NCOR2: variants seen among roughly 807,000 people sequenced by gnomAD.
NCOR2 encodes the protein nuclear receptor corepressor 2, also known as CTG repeat protein 26.
In NCOR2, 81 loss-of-function variants were observed where a neutral mutation model predicts 262.9. The observed-to-expected ratio is 0.31, with a 90% CI of 0.26 to 0.37. The LOEUF is 0.37. Among genes scored for constraint, NCOR2 ranks in the 10% least tolerant of loss-of-function variants. NCOR2 has a pLI of 1.00. For synonymous variants in NCOR2, 1,659 were observed against 1,559.3 expected (o/e 1.06, Z -1.51); for missense variants, 3,385 against 3,621.4 (o/e 0.93, Z 1.68).
chr12:124,448,864 C>T (rs975260051), intron 7 of NCOR2, among the ~76,000 whole-genome samples: 2 of 152,166 alleles, frequency 1.3e-5, no homozygotes, highest in East Asian at 1.9e-4. Context: ...AACTACCCAC[C>T]GAATCAGCTA....
At chr12:124,513,083 A>C (rs992633618) in intron 1 of NCOR2, 4 of 152,176 alleles carry the variant, frequency 2.6e-5, no homozygotes, top group African/African-American at 4.8e-5. Context: ...CCTGGCAATC[A>C]CCACCTCCCT....
chr12:124,530,964 A>C (rs114196322), intron 1 of NCOR2, among the ~76,000 whole-genome samples: 1,647 of 152,314 alleles, frequency 0.011, 38 homozygotes, highest in African/African-American at 0.037. Flanking sequence ...CTCTGGGCTC[A>C]AATAGCTGCC....
At chr12:124,417,221 C>G (rs1342368634) in intron 13 of NCOR2, among the ~76,000 whole-genome samples, 11 of 150,504 alleles carry the variant, frequency 7.3e-5, no homozygotes, top group African/African-American at 9.7e-5. Flanking sequence ...AGGCCGGACA[C>G]TCACTCCACG....
At chr12:124,558,171 C>T (rs1052684921) in intron 1 of NCOR2, among the ~76,000 whole-genome samples, 5 of 152,102 alleles carry the variant, frequency 3.3e-5, no homozygotes, top group African/African-American at 1.2e-4. Context: ...TCCTTCGAGG[C>T]CCTCCCCTGT....
At position 124,427,887 on chromosome 12, in the gene NCOR2, C is replaced by T. The variant is rs114578773; in HGVS notation, c.1150-1087G>A. 7.9e-3 allele frequency among the ~76,000 whole-genome samples: 1,199 copies of T among 152,242 alleles called. 10 individuals are homozygous for T. The highest frequency in any genetic ancestry group is 0.026 in the African/African-American group (1,075 of 41,548). ...AGAAGGATGGGAAGTGCCTGTCCTC[C>T]GGCCCAGCCCCCTCCCTTGCACACT... On this transcript the variant is annotated intron_variant, in intron 10 of 46. Coordinates refer to ENST00000405201, the Ensembl canonical transcript of NCOR2.
chr12:124,448,877 C>T (rs916247019), intron 7 of NCOR2, among the ~76,000 whole-genome samples: 19 of 152,210 alleles, frequency 1.2e-4, no homozygotes. Flanking sequence ...ATCAGCTAAA[C>T]GCCTCCCTTT....
At chr12:124,449,027 C>T (rs1310731241) in intron 7 of NCOR2, among the ~76,000 whole-genome samples, 5 of 152,178 alleles carry the variant, frequency 3.3e-5, no homozygotes, top group Non-Finnish European at 5.9e-5. Context: ...ATCTGCAGCC[C>T]CTTTTACCTT....
chr12:124,550,512 C>CG (rs1008057405), intron 1 of NCOR2, among the ~76,000 whole-genome samples: 10 of 152,024 alleles, frequency 6.6e-5, no homozygotes, highest in Non-Finnish European at 7.4e-5. Flanking sequence ...GGATGGTGAA[C>CG]GGGGGGGAGG....
At chr12:124,404,586 C>G (rs973106849) in intron 13 of NCOR2, among the ~76,000 whole-genome samples, 32 of 152,226 alleles carry the variant, frequency 2.1e-4, no homozygotes, top group African/African-American at 7.5e-4. Context: ...CAGCTCCACA[C>G]CCATCAGGCC....
chr12:124,458,881 G>C (rs961145848), intron 5 of NCOR2, among the ~76,000 whole-genome samples: 4 of 152,114 alleles, frequency 2.6e-5, no homozygotes, highest in Non-Finnish European at 4.4e-5. Flanking sequence ...AGTCTGCCCT[G>C]GGGTACTGAA....
chr12:124,335,508 C>G, exon 39 of NCOR2: 1 of 1,607,826 alleles, frequency 6.2e-7, no homozygotes, highest in Non-Finnish European at 8.5e-7. Context: ...GCAGCTCCCC[C>G]TCCAGGTGGC....
intron 11 of NCOR2, among the ~76,000 whole-genome samples, chr12:124,425,335 T>C (rs369107279): frequency 6.8e-4 from 103 of 151,996 alleles, no homozygotes; most frequent in African/African-American, 1.7e-3. Flanking sequence ...GATTGTGCCA[T>C]TGTACTCCAG....
Position 124,495,144 on chromosome 12 carries a change from T to C in NCOR2, c.105+3A>G. ...CCAGGCGCACACATGTGCACCCCCTTACCGTGTGCGTCCGGGCGATCTGCA... is the reference window on the plus strand; with the variant it reads ...CCAGGCGCACACATGTGCACCCCCTCACCGTGTGCGTCCGGGCGATCTGCA... On this transcript the variant is annotated splice_donor_region_variant and intron_variant, in intron 1 of 46. Transcript: ENST00000405201. The surrounding 1 kb of genome is among the most constrained non-coding windows in gnomAD (Gnocchi z 4.4). 1 of 1,613,738 alleles carries C rather than the reference T, an allele frequency of 6.2e-7. No individual in the cohort carries two copies. The highest frequency in any genetic ancestry group is 1.1e-5 in the South Asian group (1 of 91,064).
intron 1 of NCOR2, among the ~76,000 whole-genome samples, chr12:124,543,951 A>C (rs929578486): frequency 1.3e-5 from 2 of 152,176 alleles, no homozygotes; most frequent in Non-Finnish European, 2.9e-5. Context: ...TAACTCGTTT[A>C]ATTCTTAACA....
chr12:124,420,078 G>A (rs1475559343), intron 12 of NCOR2, 23 bp from the exon 15 acceptor site: 13 of 1,589,448 alleles, frequency 8.2e-6, no homozygotes, highest in African/African-American at 2.7e-5. Flanking sequence ...GAAAGAGGAC[G>A]CTGAGCAGGG....
rs1041020005 is a variant in NCOR2 at position 124,347,774 on chromosome 12, G to A, written c.4072+51C>T. The A allele has an allele frequency of 1.8e-5, 27 of 1,538,578 alleles. No individual in the cohort carries two copies. The East Asian group carries it at 3.4e-4, about 20-fold the overall frequency. ...TGTGTCTCTCCCTCCCGCGCCCTGC[G>A]TGACTGTACACCCGTTGGGGGCAAC... On this transcript the variant is annotated intron_variant, in intron 30 of 46. Transcript: ENST00000405201.
At chr12:124,510,345 G>A (rs936607904) in intron 1 of NCOR2, among the ~76,000 whole-genome samples, 9 of 152,210 alleles carry the variant, frequency 5.9e-5, no homozygotes, top group Non-Finnish European at 1.2e-4. Context: ...ATGAGCAAAT[G>A]CCACTTCCAT....
intron 33 of NCOR2, 90 bp downstream of exon 35, chr12:124,342,915 G>A: frequency 7.2e-7 from 1 of 1,391,850 alleles, no homozygotes. Context: ...CCTGACAGTT[G>A]ATGCCTAAGG....
At chr12:124,476,874 G>C (rs1232605703) in intron 3 of NCOR2, among the ~76,000 whole-genome samples, 11 of 149,504 alleles carry the variant, frequency 7.4e-5, no homozygotes, top group Admixed American at 5.4e-4. Flanking sequence ...AAGACCGCCT[G>C]GGCAACATAG....
Sources: gnomAD v4.1 joint callset for allele counts (sites outside exome capture counted in the v4.1 genomes callset) on GRCh38, gnomAD v4.1.1 for gene constraint, Gnocchi (gnomAD v3.1) non-coding constraint, MANE v1.5 for transcripts, NCBI Gene and HGNC (gene_info 2026-07-23, HGNC 2026-07-21) for gene names.